Variants in RBFOX3 observed in about 807,000 individuals in gnomAD.
RBFOX3 encodes the protein RNA binding protein fox-1 homolog 3.
RBFOX3 carries 17 observed loss-of-function variants against 48.7 expected under a neutral mutation model. The ratio of observed to expected loss-of-function variants is 0.35; its 90% CI spans 0.24 to 0.52. RBFOX3 has a LOEUF of 0.52. Among genes scored for constraint, RBFOX3 ranks in the 20% least tolerant of loss-of-function variants. The probability of loss-of-function intolerance (pLI) is 0.94; values close to 1 mark genes in which losing one functional copy is unlikely to be tolerated. For missense variants in RBFOX3, 382 were observed against 497.5 expected (o/e 0.77, Z 2.21); for synonymous variants, 212 against 209.5 (o/e 1.01, Z -0.10).
intron 1 of RBFOX3, among the ~76,000 whole-genome samples, chr17:79,506,664 C>T (rs893808037): frequency 5.3e-5 from 8 of 152,154 alleles, no homozygotes; most frequent in African/African-American, 1.2e-4. Flanking sequence ...GAGTGCTGAG[C>T]GGGCCAGCCC....
At position 79,116,397 on chromosome 17, in the gene RBFOX3, C is replaced by G. The variant is rs544140017; in HGVS notation, c.-33-649G>C. ...GGATGTGGTGGCACGTGCCTATAAT[C>G]CCAGCTACTCGGGAGGCTGAGGCAG... On this transcript the variant is annotated intron_variant, in intron 4 of 14. Coordinates refer to ENST00000693108, the MANE Select transcript of RBFOX3 (RefSeq NM_001350451.2). 4.6e-5 allele frequency among the ~76,000 whole-genome samples: 7 copies of G among 151,004 alleles called. No homozygotes were observed. In the South Asian group the frequency reaches 1.5e-3, roughly 32 times the overall value.
At chr17:79,148,483 G>A (rs769490558) in intron 4 of RBFOX3, among the ~76,000 whole-genome samples, 70 of 152,154 alleles carry the variant, frequency 4.6e-4, no homozygotes, top group Non-Finnish European at 7.3e-4. Flanking sequence ...ACAGGAGGAG[G>A]GAGAAGCACC....
chr17:79,096,964 C>A (rs2075392873), intron 11 of RBFOX3, 131 bp from the exon 12 acceptor site: 1 of 598,630 alleles, frequency 1.7e-6, no homozygotes, highest in Non-Finnish European at 3.0e-6. Flanking sequence ...GGGCACCAGA[C>A]CCCAGGGAAT....
chr17:79,552,593 G>A (rs1286396882), intron 1 of RBFOX3, among the ~76,000 whole-genome samples: 1 of 152,290 alleles, frequency 6.6e-6, no homozygotes, highest in South Asian at 2.1e-4. Context: ...TGTATGGAAA[G>A]CGCTCAAGTC....
chr17:79,125,467 C>A (rs1191192103), intron 4 of RBFOX3, among the ~76,000 whole-genome samples: 1 of 152,268 alleles, frequency 6.6e-6, no homozygotes, highest in East Asian at 1.9e-4. Flanking sequence ...TGTTCTCTAC[C>A]CGGCCTATCC....
rs2059562774 is a variant in RBFOX3 at position 79,220,237 on chromosome 17, G to A, written c.-34+15529C>T. Among the ~76,000 whole-genome samples, 1 of 152,218 alleles carries A rather than the reference G, an allele frequency of 6.6e-6. No individual in the cohort carries two copies. On this transcript the variant is annotated intron_variant, in intron 4 of 14. Coordinates refer to ENST00000693108, the MANE Select transcript of RBFOX3 (RefSeq NM_001350451.2). The surrounding 1 kb of genome is among the most constrained non-coding windows in gnomAD (Gnocchi z 5.9). ...CTCCACAGCAGGCTCCCGGGGAGGA[G>A]GGGAGGAGACCCAATCAGGGAAGCG... is the stretch of plus-strand genomic sequence containing the variant.
At chr17:79,618,337 T>C in the RBFOX3 span, among the ~76,000 whole-genome samples, 1 of 152,186 alleles carries the variant, frequency 6.6e-6, no homozygotes, top group African/African-American at 2.4e-5. Flanking sequence ...TCCATCTCCT[T>C]GTCTTGAGTG....
At chr17:79,440,970 G>T (rs991022728) in intron 2 of RBFOX3, among the ~76,000 whole-genome samples, 1 of 152,226 alleles carries the variant, frequency 6.6e-6, no homozygotes, top group Admixed American at 6.5e-5. Context: ...CATAGTTGCC[G>T]CACAGGCTGG....
At chr17:79,301,228 CAAG>C (rs1014583559) in intron 3 of RBFOX3, among the ~76,000 whole-genome samples, 1 of 152,222 alleles carries the variant, frequency 6.6e-6, no homozygotes, top group Admixed American at 6.5e-5. Context: ...CCCTTTATGT[CAAG>C]AAGGACTTTG....
At chr17:79,369,350 C>T (rs1197622615) in intron 2 of RBFOX3, among the ~76,000 whole-genome samples, 1 of 150,942 alleles carries the variant, frequency 6.6e-6, no homozygotes, top group East Asian at 1.9e-4. Flanking sequence ...CTGATGGGGG[C>T]TCACCAGAGG....
chr17:79,271,179 G>A (rs906889264), intron 3 of RBFOX3, among the ~76,000 whole-genome samples: 5 of 151,788 alleles, frequency 3.3e-5, no homozygotes, highest in Non-Finnish European at 4.4e-5. Flanking sequence ...GGGTTCAAGC[G>A]ATTCTCCTGC....
At chr17:79,315,881 C>T (rs1289735093) in intron 2 of RBFOX3, among the ~76,000 whole-genome samples, 5 of 152,016 alleles carry the variant, frequency 3.3e-5, no homozygotes, top group African/African-American at 1.2e-4. Flanking sequence ...GAGAGGCCTC[C>T]CGAGCTAACC....
chr17:79,335,885 T>C (rs376871641), intron 2 of RBFOX3, among the ~76,000 whole-genome samples: 89 of 152,318 alleles, frequency 5.8e-4, no homozygotes, highest in African/African-American at 2.0e-3. Flanking sequence ...CTGTTCAATA[T>C]TGGAACTTTC....
intron 2 of RBFOX3, among the ~76,000 whole-genome samples, chr17:79,345,335 T>A (rs112444248): frequency 3.3e-5 from 5 of 152,360 alleles, no homozygotes; most frequent in African/African-American, 1.2e-4. Context: ...TTACTGAGAT[T>A]GGTAATTTGT....
At chr17:79,550,407 G>C (rs1196177642) in intron 1 of RBFOX3, among the ~76,000 whole-genome samples, 7 of 152,302 alleles carry the variant, frequency 4.6e-5, no homozygotes, top group African/African-American at 1.7e-4. Flanking sequence ...AGACATCAGG[G>C]AGAAAGTCCA....
intron 2 of RBFOX3, among the ~76,000 whole-genome samples, chr17:79,388,237 G>A (rs895099511): frequency 1.3e-5 from 2 of 152,226 alleles, no homozygotes; most frequent in Non-Finnish European, 2.9e-5. Flanking sequence ...CTGTGACTGG[G>A]GTGGGGGCTC....
chr17:79,343,237 G>C (rs1382968869), intron 2 of RBFOX3, among the ~76,000 whole-genome samples: 2 of 152,092 alleles, frequency 1.3e-5, no homozygotes, highest in Non-Finnish European at 2.9e-5. Context: ...TTTAAAACTG[G>C]AGGAAGGGCC....
intron 2 of RBFOX3, among the ~76,000 whole-genome samples, chr17:79,370,579 G>T (rs1025985039): frequency 6.9e-6 from 1 of 145,540 alleles, no homozygotes; most frequent in African/African-American, 2.6e-5. Flanking sequence ...ACTCACACAG[G>T]CACACACACG....
At chr17:79,263,487 T>C (rs368488524) in intron 3 of RBFOX3, among the ~76,000 whole-genome samples, 88 of 152,346 alleles carry the variant, frequency 5.8e-4, no homozygotes, top group African/African-American at 2.0e-3. Context: ...CCCTGGGCCC[T>C]GGCTGGGAGA....
Sources: gnomAD v4.1 joint callset for allele counts (sites outside exome capture counted in the v4.1 genomes callset) on GRCh38, gnomAD v4.1.1 for gene constraint, Gnocchi (gnomAD v3.1) non-coding constraint, MANE v1.5 for transcripts, NCBI Gene and HGNC (gene_info 2026-07-23, HGNC 2026-07-21) for gene names.